The following ZFHX3 variants were observed in gnomAD, a reference collection of about 807,000 sequenced individuals.
The protein encoded by ZFHX3 is zinc finger homeobox 3.
In ZFHX3, 42 loss-of-function variants were observed where a neutral mutation model predicts 279.1. That is an observed-to-expected ratio of 0.15 (90% CI 0.12 to 0.19). The LOEUF (loss-of-function observed/expected upper bound fraction) is 0.19. ZFHX3 is among the 10% of genes least tolerant of loss of function. The probability of loss-of-function intolerance (pLI) is 1.00; values close to 1 mark genes in which losing one functional copy is unlikely to be tolerated. For synonymous variants in ZFHX3, 2,293 were observed against 1,957.8 expected, an observed-to-expected ratio of 1.17 and a Z score of -4.52; for missense variants, 4,981 against 4,754.0, an observed-to-expected ratio of 1.05 and a Z score of -1.40.
chr16:73,716,372 C>CA (rs1457985646), intron 1 of ZFHX3, among the ~76,000 whole-genome samples: 4 of 152,126 alleles, frequency 2.6e-5, no homozygotes, highest in Non-Finnish European at 5.9e-5. Context: ...GTAATTTCCA[C>CA]AGCCAGGATA....
intron 2 of ZFHX3, among the ~76,000 whole-genome samples, chr16:73,654,028 C>G (rs1182874510): frequency 6.6e-6 from 1 of 151,606 alleles, no homozygotes; most frequent in Non-Finnish European, 1.5e-5. Context: ...ACTAAAAATA[C>G]AAAAAATTAG....
chr16:73,042,495 G>A (rs1053457148), intron 1 of ZFHX3, among the ~76,000 whole-genome samples: 3 of 152,050 alleles, frequency 2.0e-5, no homozygotes, highest in East Asian at 1.9e-4. Context: ...CCTCCTTCCT[G>A]AAAGAACCCC....
intron 3 of ZFHX3, among the ~76,000 whole-genome samples, chr16:72,899,309 A>G (rs2038975338): frequency 6.6e-6 from 1 of 152,024 alleles, no homozygotes; most frequent in Non-Finnish European, 1.5e-5. Context: ...TGTTCTTGTG[A>G]CAGCGAGTTC....
At chr16:73,096,407 T>C (rs1204980535) in intron 7 of ZFHX3, among the ~76,000 whole-genome samples, 1 of 149,948 alleles carries the variant, frequency 6.7e-6, no homozygotes, top group Non-Finnish European at 1.5e-5. Context: ...CCGAACTTCT[T>C]TATTTTTTTT....
intron 3 of ZFHX3, among the ~76,000 whole-genome samples, chr16:73,415,293 T>G (rs2017549567): frequency 6.6e-6 from 1 of 152,186 alleles, no homozygotes; most frequent in Non-Finnish European, 1.5e-5. Flanking sequence ...AAATTTTTAG[T>G]CTTGAGGTCT....
intron 4 of ZFHX3, among the ~76,000 whole-genome samples, chr16:72,885,432 A>G (rs72795111): frequency 0.04 from 6,162 of 152,314 alleles, 209 homozygotes; most frequent in Non-Finnish European, 0.06. Flanking sequence ...AATTTCTTCT[A>G]CCTCGACTCC....
chr16:73,100,577 CTTT>C (rs368465486), intron 7 of ZFHX3, among the ~76,000 whole-genome samples: 1 of 143,586 alleles, frequency 7.0e-6, no homozygotes. Context: ...GAATTCCCCT[CTTT>C]TTTTTTTTTT....
At chr16:72,939,950 T>G (rs1012641189) in intron 3 of ZFHX3, among the ~76,000 whole-genome samples, 1 of 152,154 alleles carries the variant, frequency 6.6e-6, no homozygotes, top group Non-Finnish European at 1.5e-5. Flanking sequence ...AATTTTTTTA[T>G]TTTTTGTAGA....
intron 2 of ZFHX3, among the ~76,000 whole-genome samples, chr16:73,562,243 A>T (rs1005202258): frequency 6.6e-6 from 1 of 152,190 alleles, no homozygotes; most frequent in Non-Finnish European, 1.5e-5. Flanking sequence ...TCTAGACTGA[A>T]GGTTGTGCCC....
At chr16:73,392,772 C>A (rs113859175) in intron 3 of ZFHX3, among the ~76,000 whole-genome samples, 26 of 152,276 alleles carry the variant, frequency 1.7e-4, no homozygotes, top group African/African-American at 6.3e-4. Context: ...GCTGTCTCAA[C>A]CTTCTAACAG....
chr16:73,318,839 A>G (rs939578903), intron 3 of ZFHX3, among the ~76,000 whole-genome samples: 1 of 152,204 alleles, frequency 6.6e-6, no homozygotes, highest in Non-Finnish European at 1.5e-5. Context: ...GAGCTAAACA[A>G]AAGGTAATAG....
intron 3 of ZFHX3, among the ~76,000 whole-genome samples, chr16:73,349,633 C>A (rs1433153528): frequency 3.5e-5 from 2 of 56,852 alleles, no homozygotes; most frequent in Non-Finnish European, 8.0e-5. Context: ...TTCCTCCCTC[C>A]CTCCCTCCCT....
intron 5 of ZFHX3, among the ~76,000 whole-genome samples, chr16:73,223,749 C>A (rs1321378398): frequency 6.6e-6 from 1 of 152,162 alleles, no homozygotes; most frequent in African/African-American, 2.4e-5. Context: ...GAAACCTGCA[C>A]ACAGATGTTT....
At chr16:73,149,924 C>G (rs1597184761) in intron 5 of ZFHX3, among the ~76,000 whole-genome samples, 1 of 152,148 alleles carries the variant, frequency 6.6e-6, no homozygotes, top group Non-Finnish European at 1.5e-5. Context: ...TTCTCAGATG[C>G]TTCCATCTGA....
chr16:73,218,485 C>G (rs932227517), intron 5 of ZFHX3, among the ~76,000 whole-genome samples: 3 of 152,116 alleles, frequency 2.0e-5, no homozygotes, highest in Non-Finnish European at 2.9e-5. Context: ...AATATAAATA[C>G]AGGTCAAGTG....
chr16:73,765,101 G>T (rs762659295), intron 1 of ZFHX3, among the ~76,000 whole-genome samples: 1 of 152,110 alleles, frequency 6.6e-6, no homozygotes, highest in African/African-American at 2.4e-5. Context: ...GTTGCTAAAA[G>T]GCCACCTTCA....
intron 2 of ZFHX3, among the ~76,000 whole-genome samples, chr16:73,595,819 C>A (rs1479475657): frequency 2.0e-5 from 3 of 152,082 alleles, no homozygotes; most frequent in Admixed American, 2.0e-4. Context: ...GTTACCTATG[C>A]CTGAGGGCCA....
chr16:73,662,017 T>TG (rs1165338156), intron 2 of ZFHX3, among the ~76,000 whole-genome samples: 7 of 151,640 alleles, frequency 4.6e-5, no homozygotes, highest in Non-Finnish European at 1.0e-4. Context: ...TTTTTTTTTT[T>TG]TTTAAGAAAG....
chr16:73,778,867 A>G (rs1959353381), intron 1 of ZFHX3, among the ~76,000 whole-genome samples: 1 of 152,240 alleles, frequency 6.6e-6, no homozygotes, highest in African/African-American at 2.4e-5. Context: ...ATCACTTCAT[A>G]TTAGGGAGCA....
Sources: allele counts gnomAD v4.1 joint callset (sites outside exome capture counted in the v4.1 genomes callset), GRCh38; gene constraint gnomAD v4.1.1; transcripts MANE v1.5; gene names NCBI Gene and HGNC (gene_info 2026-07-23, HGNC 2026-07-21).